Variants in CSMD1 observed in about 807,000 individuals in gnomAD.
CSMD1 encodes CUB and Sushi multiple domains 1.
Under a neutral mutation model 417.5 loss-of-function variants are expected in CSMD1, and 213 were observed. The observed-to-expected ratio is 0.51, with a 90% CI of 0.46 to 0.57. The LOEUF (loss-of-function observed/expected upper bound fraction) is 0.57. Among genes scored for constraint, CSMD1 ranks in the 20% least tolerant of loss-of-function variants. The pLI, the probability that CSMD1 is intolerant of heterozygous loss-of-function variation, is 0.00. For synonymous variants in CSMD1, 2,862 were observed against 1,736.8 expected (o/e 1.65, Z -16.11); for missense variants, 6,923 against 4,529.7 (o/e 1.53, Z -15.17).
rs374789140 is a variant in CSMD1, at chr8:3,142,451, T to C, written c.6241+14A>G. ...ATTTAGATTTGGGTTTCGGTTCTCG[T>C]TGTTGTTCCATACCTTGGTAAGCAA... On this transcript the variant is annotated intron_variant, in intron 41 of 69. Transcript: ENST00000635120. 42 of 1,606,630 alleles carry C rather than the reference T, an allele frequency of 2.6e-5. No homozygotes were observed. The highest frequency in any genetic ancestry group is 2.2e-5 in the East Asian group (1 of 44,826).
At chr8:4,428,218 C>T (rs890144655) in intron 2 of CSMD1, among the ~76,000 whole-genome samples, 2 of 152,166 alleles carry the variant, frequency 1.3e-5, no homozygotes, top group Admixed American at 6.5e-5. Flanking sequence ...GTCCACTGAA[C>T]CACACATTCT....
intron 26 of CSMD1, among the ~76,000 whole-genome samples, chr8:3,232,774 T>G (rs1798917408): frequency 6.6e-6 from 1 of 152,174 alleles, no homozygotes; most frequent in Admixed American, 6.5e-5. Flanking sequence ...CCCCATATGC[T>G]CTACCTTTTT....
At chr8:4,288,266 C>G (rs1797170083) in intron 3 of CSMD1, among the ~76,000 whole-genome samples, 1 of 152,160 alleles carries the variant, frequency 6.6e-6, no homozygotes, top group South Asian at 2.1e-4. Flanking sequence ...GACATGCCCC[C>G]ACTGGGAACA....
intron 36 of CSMD1, among the ~76,000 whole-genome samples, chr8:3,183,784 C>T (rs932624171): frequency 3.9e-5 from 6 of 152,232 alleles, no homozygotes; most frequent in Admixed American, 1.3e-4. Context: ...GCCCTCCAAT[C>T]AGTCATCACG....
At chr8:3,889,556 T>C (rs546546091) in intron 5 of CSMD1, among the ~76,000 whole-genome samples, 1 of 86,758 alleles carries the variant, frequency 1.2e-5, no homozygotes, top group African/African-American at 3.2e-5. Flanking sequence ...TGTATATGTG[T>C]GTCTGTGTGT....
intron 3 of CSMD1, among the ~76,000 whole-genome samples, chr8:4,180,601 A>C (rs1167241089): frequency 4.6e-5 from 7 of 152,210 alleles, no homozygotes; most frequent in African/African-American, 1.4e-4. Context: ...AGAAAAAATA[A>C]AATAAAATAC....
intron 5 of CSMD1, among the ~76,000 whole-genome samples, chr8:3,803,851 G>T (rs924806158): frequency 3.9e-5 from 6 of 152,322 alleles, no homozygotes; most frequent in African/African-American, 1.4e-4. Flanking sequence ...TGGCAAAGAG[G>T]TGTGAAGCTA....
chr8:4,586,192 T>A (rs983186964), intron 2 of CSMD1, among the ~76,000 whole-genome samples: 7 of 152,204 alleles, frequency 4.6e-5, no homozygotes, highest in African/African-American at 1.7e-4. Context: ...TGGTTATTTT[T>A]AAATACATAA....
intron 3 of CSMD1, among the ~76,000 whole-genome samples, chr8:4,196,771 C>CT (rs1483194152): frequency 2.0e-5 from 3 of 152,082 alleles, no homozygotes; most frequent in African/African-American, 7.2e-5. Flanking sequence ...CTGTAAACCC[C>CT]TTTTTCCCAT....
intron 11 of CSMD1, among the ~76,000 whole-genome samples, chr8:3,476,707 C>G (rs1015412678): frequency 1.3e-5 from 2 of 151,882 alleles, no homozygotes; most frequent in Non-Finnish European, 2.9e-5. Context: ...TACTTGAGGT[C>G]AGGAGTTCGA....
chr8:4,592,916 C>T (rs560011298), intron 2 of CSMD1, among the ~76,000 whole-genome samples: 2 of 152,038 alleles, frequency 1.3e-5, no homozygotes, highest in African/African-American at 2.4e-5. Flanking sequence ...TTAGAAGTTT[C>T]GAATCAGCAT....
intron 1 of CSMD1, among the ~76,000 whole-genome samples, chr8:4,726,037 G>T (rs1009059049): frequency 1.3e-5 from 2 of 152,102 alleles, no homozygotes; most frequent in African/African-American, 4.8e-5. Context: ...TCTGGTCACG[G>T]TGTGAGTTCA....
intron 12 of CSMD1, among the ~76,000 whole-genome samples, chr8:3,458,746 A>C (rs1816309932): frequency 6.6e-6 from 1 of 152,174 alleles, no homozygotes. Flanking sequence ...AATGGCTCTT[A>C]ATATCTTTGG....
intron 5 of CSMD1, among the ~76,000 whole-genome samples, chr8:3,813,645 T>G (rs1801209781): frequency 6.6e-6 from 1 of 152,206 alleles, no homozygotes; most frequent in African/African-American, 2.4e-5. Context: ...CATATTATGT[T>G]AATTATACAA....
At chr8:4,422,854 A>C (rs1797326798) in intron 2 of CSMD1, among the ~76,000 whole-genome samples, 2 of 152,094 alleles carry the variant, frequency 1.3e-5, no homozygotes, top group African/African-American at 4.8e-5. Context: ...TTATTAGAGG[A>C]ATGTTAGAAA....
chr8:3,083,638 ATATATATATAT>A (rs1814290788), intron 49 of CSMD1, among the ~76,000 whole-genome samples: 3 of 21,816 alleles, frequency 1.4e-4, no homozygotes, highest in South Asian at 5.7e-3. Flanking sequence ...ATATATATAT[ATATATATATAT>A]TTTTTTTTTT....
chr8:3,932,483 T>G (rs1810219451), intron 5 of CSMD1, among the ~76,000 whole-genome samples: 1 of 150,530 alleles, frequency 6.6e-6, no homozygotes, highest in Admixed American at 6.6e-5. Flanking sequence ...ATGTAGGACC[T>G]TGATGCTAAG....
At chr8:4,280,466 C>A (rs1383140337) in intron 3 of CSMD1, among the ~76,000 whole-genome samples, 4 of 152,166 alleles carry the variant, frequency 2.6e-5, no homozygotes, top group African/African-American at 9.7e-5. Flanking sequence ...TTGCATACAT[C>A]ACTGTTTCAG....
At chr8:4,034,717 G>A (rs966937671) in intron 3 of CSMD1, among the ~76,000 whole-genome samples, 6 of 152,154 alleles carry the variant, frequency 3.9e-5, no homozygotes, top group Non-Finnish European at 8.8e-5. Flanking sequence ...GCTTTTTGAT[G>A]TTTTTCTTTA....
Sources: allele counts gnomAD v4.1 joint callset (sites outside exome capture counted in the v4.1 genomes callset), GRCh38; gene constraint gnomAD v4.1.1; transcripts MANE v1.5; gene names NCBI Gene and HGNC (gene_info 2026-07-23, HGNC 2026-07-21).